RBBP4: variants seen among roughly 807,000 people sequenced by gnomAD.
The protein encoded by RBBP4 is histone-binding protein RBBP4.
RBBP4 carries 3 observed loss-of-function variants against 57.2 expected under a neutral mutation model. That is an observed-to-expected ratio of 0.05 (90% CI 0.02 to 0.14). The LOEUF (loss-of-function observed/expected upper bound fraction) is 0.14, where lower values mean the gene tolerates loss of function less well. RBBP4 is among the 10% of genes least tolerant of loss of function. RBBP4 has a pLI of 1.00. For missense variants in RBBP4, 107 were observed against 520.6 expected, an observed-to-expected ratio of 0.21 and a Z score of 7.73; for synonymous variants, 151 against 171.5, an observed-to-expected ratio of 0.88 and a Z score of 0.93.
At chr1:32,664,644 G>A (rs1446712358) in intron 3 of RBBP4, among the ~76,000 whole-genome samples, 1 of 152,010 alleles carries the variant, frequency 6.6e-6, no homozygotes, top group Non-Finnish European at 1.5e-5. Context: ...GTAGAGATGA[G>A]GTTTCACCAT....
At chr1:32,656,585 CAATT>C (rs1005747522) in intron 2 of RBBP4, among the ~76,000 whole-genome samples, 12 of 152,148 alleles carry the variant, frequency 7.9e-5, no homozygotes, top group African/African-American at 2.9e-4. Context: ...TTCCTGACCT[CAATT>C]AATCCACCCT....
intron 2 of RBBP4, among the ~76,000 whole-genome samples, chr1:32,655,679 G>C (rs1219696212): frequency 1.3e-5 from 2 of 152,094 alleles, no homozygotes; most frequent in Admixed American, 1.3e-4. Flanking sequence ...AGTTTGACAT[G>C]TTGTAAATGG....
Position 32,672,771 on chromosome 1 carries a change from T to G in RBBP4, c.1102-20T>G. 1 of 1,581,088 alleles carries G rather than the reference T, an allele frequency of 6.3e-7. No individual in the cohort carries two copies. Among genetic ancestry groups the G allele is most frequent in the Non-Finnish European group, 8.6e-7 (1 of 1,158,070 alleles). ...GTCCTCTATCTGCATTTCACCTCTT[T>G]GTTTTCTTCCCTCTTTCAGTTTATT... On this transcript the variant is annotated intron_variant, in intron 10 of 11. Transcript: ENST00000373493.
intron 11 of RBBP4, among the ~76,000 whole-genome samples, chr1:32,676,984 T>C (rs1258925747): frequency 6.6e-6 from 1 of 152,188 alleles, no homozygotes; most frequent in Non-Finnish European, 1.5e-5. Flanking sequence ...ACTAGATCCC[T>C]GCAAGGCCAT....
At chr1:32,658,391 A>G (rs1038388850) in intron 3 of RBBP4, among the ~76,000 whole-genome samples, 1 of 152,040 alleles carries the variant, frequency 6.6e-6, no homozygotes, top group Non-Finnish European at 1.5e-5. Flanking sequence ...AGAAACACTA[A>G]CTTAAATTAC....
chr1:32,679,168 G>A (rs1039260737), intron 11 of RBBP4, among the ~76,000 whole-genome samples: 1 of 152,126 alleles, frequency 6.6e-6, no homozygotes, highest in African/African-American at 2.4e-5. Flanking sequence ...GTAGTGGCAT[G>A]TGCCTGTAAT....
At chr1:32,659,178 A>G (rs1570841319) in intron 3 of RBBP4, among the ~76,000 whole-genome samples, 1 of 149,666 alleles carries the variant, frequency 6.7e-6, no homozygotes, top group Non-Finnish European at 1.5e-5. Flanking sequence ...CACACACAAT[A>G]TAAATGTATA....
chr1:32,673,391 A>C, intron 11 of RBBP4: 1 of 381,958 alleles, frequency 2.6e-6, no homozygotes, highest in Non-Finnish European at 5.1e-6. Context: ...GATTTCAAAA[A>C]TGTTCCCTAT....
intron 3 of RBBP4, among the ~76,000 whole-genome samples, chr1:32,660,879 C>T (rs960794156): frequency 3.9e-5 from 6 of 152,062 alleles, no homozygotes; most frequent in Admixed American, 2.6e-4. Context: ...ACACAATCCC[C>T]GCTTACTGCA....
chr1:32,668,518 A>G (rs1648746108), intron 4 of RBBP4, 120 bp downstream of exon 4: 2 of 1,151,452 alleles, frequency 1.7e-6, no homozygotes, highest in Non-Finnish European at 1.2e-6. Context: ...TTGTATTGAT[A>G]TGTGTATATT....
intron 3 of RBBP4, among the ~76,000 whole-genome samples, chr1:32,659,283 G>A (rs2642551): frequency 0.98 from 149,232 of 151,950 alleles, 73,340 homozygotes; most frequent in East Asian, 1. Flanking sequence ...TTCCCTGGCC[G>A]GGTGCGGTGA....
chr1:32,664,135 A>T (rs1570850776), intron 3 of RBBP4, among the ~76,000 whole-genome samples: 1 of 151,996 alleles, frequency 6.6e-6, no homozygotes, highest in Non-Finnish European at 1.5e-5. Flanking sequence ...TTACCGTGTT[A>T]GCCAGCATAG....
At chr1:32,673,340 C>T (rs1280143772) in intron 11 of RBBP4, 1 of 343,678 alleles carries the variant, frequency 2.9e-6, no homozygotes, top group African/African-American at 2.2e-5. Context: ...TATATCATAT[C>T]ACAGCATCAA....
chr1:32,675,676 G>A (rs1054303700), intron 11 of RBBP4, among the ~76,000 whole-genome samples: 2 of 152,098 alleles, frequency 1.3e-5, no homozygotes, highest in African/African-American at 4.8e-5. Context: ...GGCTGAGGCA[G>A]GAGAATGGCG....
chr1:32,653,650 T>G (rs12032064), intron 2 of RBBP4, among the ~76,000 whole-genome samples: 43 of 29,922 alleles, frequency 1.4e-3, no homozygotes, highest in Admixed American at 6.1e-3. Context: ...TTTTTTTTTT[T>G]TTTTTTTTTG....
rs952608546 is a variant in RBBP4 at position 32,679,995 on chromosome 1, T to C, written c.*290T>C. 8.6e-7 allele frequency: 1 copy of C among 1,167,992 alleles called. No individual in the cohort carries two copies. Among genetic ancestry groups the C allele is most frequent in the East Asian group, 5.1e-5 (1 of 19,770 alleles). The allele number at this position is 1,167,992 out of a possible 1,614,324, so 72.4% of individuals were successfully genotyped here. ...TTATGTGTGATTATTTTTCTTCTTA[T>C]GCTATATCCCCAAGTTTTTCAGACT... On this transcript the variant is annotated 3_prime_UTR_variant, in exon 12 of 12. Coordinates refer to ENST00000373493, the MANE Select transcript of RBBP4 (RefSeq NM_005610.3).
chr1:32,658,258 AGCACAGATAT>A (rs1004811088), intron 3 of RBBP4, among the ~76,000 whole-genome samples: 12 of 152,098 alleles, frequency 7.9e-5, no homozygotes, highest in African/African-American at 2.2e-4. Flanking sequence ...GATTGTTTAA[AGCACAGATAT>A]GCACAGAGGA....
Position 32,669,046 on chromosome 1 carries a change from G to A in RBBP4, c.675G>A (p.Gly225=). 1.2e-6 allele frequency: 2 copies of A among 1,613,994 alleles called. No homozygotes were observed. The highest frequency in any genetic ancestry group is 1.7e-6 in the Non-Finnish European group (2 of 1,179,970). ...TAGATGCGAAGACCATCTTTACAGGGCATACGGCAGTAGTAGAAGATGTTT... is the reference window on the plus strand; with the variant it reads ...TAGATGCGAAGACCATCTTTACAGGACATACGGCAGTAGTAGAAGATGTTT... ...KVVDAKTIFT[G]HTAVVEDVSW... is the part of the protein sequence containing the mutation. Residue 225 remains glycine (G), a synonymous_variant, in exon 6 of 12, where the codon GGG becomes GGA. Coordinates refer to ENST00000373493, the MANE Select transcript of RBBP4 (RefSeq NM_005610.3). The surrounding 1 kb of genome is among the most constrained non-coding windows in gnomAD (Gnocchi z 4.9).
intron 2 of RBBP4, among the ~76,000 whole-genome samples, chr1:32,655,339 T>TG (rs2148516306): frequency 6.6e-6 from 1 of 152,204 alleles, no homozygotes; most frequent in Admixed American, 6.5e-5. Context: ...AGTGTTTACT[T>TG]TTGTGTGTGT....
Sources: allele counts gnomAD v4.1 joint callset (sites outside exome capture counted in the v4.1 genomes callset), GRCh38; gene constraint gnomAD v4.1.1; non-coding constraint Gnocchi (gnomAD v3.1); transcripts MANE v1.5; gene names NCBI Gene and HGNC (gene_info 2026-07-23, HGNC 2026-07-21).